Variants in SUGCT observed in about 807,000 individuals in gnomAD.
SUGCT encodes the protein succinyl-CoA:glutarate-CoA transferase.
Under a neutral mutation model 55.0 loss-of-function variants are expected in SUGCT, and 41 were observed. The observed-to-expected ratio is 0.74, with a 90% CI of 0.58 to 0.97. The LOEUF (loss-of-function observed/expected upper bound fraction) is 0.97. SUGCT is among the 50% of genes least tolerant of loss of function. The pLI, the probability that SUGCT is intolerant of heterozygous loss-of-function variation, is 0.00. For synonymous variants in SUGCT, 187 were observed against 200.4 expected (o/e 0.93, Z 0.56); for missense variants, 568 against 547.8 (o/e 1.04, Z -0.37).
chr7:40,743,397 TA>T (rs1787566579), intron 12 of SUGCT, among the ~76,000 whole-genome samples: 4 of 152,202 alleles, frequency 2.6e-5, no homozygotes, highest in Admixed American at 6.5e-5. Flanking sequence ...CAATTTAATT[TA>T]AAAAAATTCA....
chr7:40,907,122 TGTGTGTGTGTGTGTGTGTGAGAGA>T, the SUGCT span, among the ~76,000 whole-genome samples: 2,005 of 84,826 alleles, frequency 0.024, 47 homozygotes, highest in African/African-American at 0.067. Flanking sequence ...TGTGTGTGTG[TGTGTGTGTGTGTGTGTGTGAGAGA>T]GAGAGAGAGA....
intron 1 of SUGCT, among the ~76,000 whole-genome samples, chr7:40,145,092 A>C (rs540615424): frequency 2.6e-5 from 4 of 152,282 alleles, no homozygotes; most frequent in African/African-American, 9.6e-5. Flanking sequence ...TACCCCTTTA[A>C]CTTTAGCCAA....
chr7:40,429,862 T>C (rs1787801137), intron 9 of SUGCT, among the ~76,000 whole-genome samples: 1 of 152,218 alleles, frequency 6.6e-6, no homozygotes. Context: ...TTTTGTTCTG[T>C]ATCTCTGTAT....
chr7:40,770,688 A>G (rs1008058192), intron 13 of SUGCT, among the ~76,000 whole-genome samples: 1 of 152,184 alleles, frequency 6.6e-6, no homozygotes, highest in Non-Finnish European at 1.5e-5. Flanking sequence ...CAGATGCCCT[A>G]TTTCTATGGA....
chr7:40,358,328 C>T (rs1011054251), intron 9 of SUGCT, among the ~76,000 whole-genome samples: 7 of 152,236 alleles, frequency 4.6e-5, no homozygotes, highest in Middle Eastern at 3.4e-3. Flanking sequence ...TATTATTTTG[C>T]GTAACTAAGA....
chr7:40,906,878 G>T, the SUGCT span, among the ~76,000 whole-genome samples: 1 of 152,118 alleles, frequency 6.6e-6, no homozygotes, highest in African/African-American at 2.4e-5. Flanking sequence ...TTTTAAGAAC[G>T]CTCTATAACT....
At chr7:40,200,741 AT>A (rs1786544843) in intron 6 of SUGCT, among the ~76,000 whole-genome samples, 1 of 152,116 alleles carries the variant, frequency 6.6e-6, no homozygotes, top group Non-Finnish European at 1.5e-5. Flanking sequence ...TAGAATGCAG[AT>A]TAAAAAAAAA....
At chr7:41,013,022 ATATAT>A in the SUGCT span, among the ~76,000 whole-genome samples, 1 of 2,590 alleles carries the variant, frequency 3.9e-4, no homozygotes, top group Non-Finnish European at 6.8e-4. Flanking sequence ...ATTTAAATAT[ATATAT>A]ATATATATAT....
chr7:40,890,251 A>T, the SUGCT span, among the ~76,000 whole-genome samples: 2 of 143,918 alleles, frequency 1.4e-5, no homozygotes, highest in African/African-American at 2.5e-5. Flanking sequence ...TATTTATATT[A>T]TATATTTATA....
chr7:40,949,980 T>C, the SUGCT span, among the ~76,000 whole-genome samples: 11 of 152,152 alleles, frequency 7.2e-5, no homozygotes, highest in Admixed American at 2.0e-4. Flanking sequence ...TAGTTTTTTC[T>C]AATTCTGTGA....
rs115483250 is a variant in SUGCT at position 40,533,475 on chromosome 7, G to A, written c.1089+37089G>A. Among the ~76,000 whole-genome samples, 43 of 151,914 alleles carry A rather than the reference G, an allele frequency of 2.8e-4. No individual in the cohort carries two copies. The East Asian group carries it at 8.1e-3, about 29-fold the overall frequency. On this transcript the variant is annotated intron_variant, in intron 12 of 13. Coordinates refer to ENST00000335693, the MANE Select transcript of SUGCT (RefSeq NM_001193313.2). Reference sequence around the variant, plus strand: ...TCTTGTTTTATGTTTTTACAGTTTTGTAGACTTTTTTTGCATTTGGAGAAT... The same window carrying A: ...TCTTGTTTTATGTTTTTACAGTTTTATAGACTTTTTTTGCATTTGGAGAAT...
intron 10 of SUGCT, among the ~76,000 whole-genome samples, chr7:40,452,647 A>G (rs75467401): frequency 1.3e-5 from 2 of 152,188 alleles, no homozygotes; most frequent in African/African-American, 4.8e-5. Flanking sequence ...CTGTTTTCCT[A>G]TGTATAAAAT....
At chr7:40,683,562 C>T (rs1452615935) in intron 12 of SUGCT, among the ~76,000 whole-genome samples, 2 of 152,202 alleles carry the variant, frequency 1.3e-5, no homozygotes, top group Non-Finnish European at 2.9e-5. Flanking sequence ...CTGTGGGAAT[C>T]TTCAGACTTC....
intron 12 of SUGCT, among the ~76,000 whole-genome samples, chr7:40,629,751 A>G (rs1253628041): frequency 6.6e-6 from 1 of 152,162 alleles, no homozygotes; most frequent in African/African-American, 2.4e-5. Flanking sequence ...TTAAATCTAT[A>G]TGTTTTATCC....
chr7:40,413,245 A>G (rs1786789489), intron 9 of SUGCT, among the ~76,000 whole-genome samples: 1 of 152,146 alleles, frequency 6.6e-6, no homozygotes, highest in African/African-American at 2.4e-5. Flanking sequence ...TACTCTCTGT[A>G]CATGGGGAAA....
At chr7:40,224,754 C>T (rs1321233510) in intron 6 of SUGCT, among the ~76,000 whole-genome samples, 2 of 152,192 alleles carry the variant, frequency 1.3e-5, no homozygotes, top group African/African-American at 4.8e-5. Context: ...ACTACTGTTT[C>T]CTGTGTCCCA....
At chr7:40,613,782 G>T (rs954213912) in intron 12 of SUGCT, among the ~76,000 whole-genome samples, 2 of 152,038 alleles carry the variant, frequency 1.3e-5, no homozygotes, top group Non-Finnish European at 2.9e-5. Flanking sequence ...AGCTAATTTT[G>T]TATTTTTAGT....
At chr7:40,552,389 T>G (rs758234423) in intron 12 of SUGCT, among the ~76,000 whole-genome samples, 4 of 152,118 alleles carry the variant, frequency 2.6e-5, no homozygotes, top group Non-Finnish European at 5.9e-5. Context: ...ATGGCTTACA[T>G]CAGTTAATGG....
chr7:40,307,059 A>G (rs1794883693), intron 8 of SUGCT, among the ~76,000 whole-genome samples: 1 of 152,252 alleles, frequency 6.6e-6, no homozygotes, highest in Non-Finnish European at 1.5e-5. Context: ...ATTCAGAGGA[A>G]TGTTCCTTTC....
Sources: gnomAD v4.1 joint callset for allele counts (sites outside exome capture counted in the v4.1 genomes callset) on GRCh38, gnomAD v4.1.1 for gene constraint, MANE v1.5 for transcripts, NCBI Gene and HGNC (gene_info 2026-07-23, HGNC 2026-07-21) for gene names.